The following DEPTOR variants were observed in gnomAD, a reference collection of about 807,000 sequenced individuals.
DEPTOR encodes the protein DEP domain containing MTOR interacting protein, also known as DEP domain-containing mTOR-interacting protein.
Under a neutral mutation model 41.6 loss-of-function variants are expected in DEPTOR, and 41 were observed. That is an observed-to-expected ratio of 0.98 (90% CI 0.77 to 1.28). DEPTOR has a LOEUF of 1.28. Ranked by LOEUF, DEPTOR falls within the 50% of genes most tolerant of loss-of-function variation. DEPTOR has a pLI of 0.00. For missense variants in DEPTOR, 514 were observed against 527.9 expected, an observed-to-expected ratio of 0.97 and a Z score of 0.26; for synonymous variants, 195 against 192.3, an observed-to-expected ratio of 1.01 and a Z score of -0.12.
intron 8 of DEPTOR, among the ~76,000 whole-genome samples, chr8:120,047,159 G>A (rs1187870300): frequency 6.6e-6 from 1 of 152,042 alleles, no homozygotes; most frequent in Non-Finnish European, 1.5e-5. Flanking sequence ...GAGTAGCTGG[G>A]ATTACAGGTG....
At chr8:119,951,386 T>C (rs1425443687) in intron 3 of DEPTOR, among the ~76,000 whole-genome samples, 1 of 152,170 alleles carries the variant, frequency 6.6e-6, no homozygotes, top group Non-Finnish European at 1.5e-5. Context: ...TATAATTTTG[T>C]GGTGATGAAA....
intron 8 of DEPTOR, among the ~76,000 whole-genome samples, chr8:120,034,294 C>CACAT (rs1812940541): frequency 7.1e-6 from 1 of 140,174 alleles, no homozygotes. Context: ...CACACACACA[C>CACAT]ACACATTGTA....
chr8:120,028,806 C>A (rs12386849), intron 8 of DEPTOR, among the ~76,000 whole-genome samples: 1 of 151,320 alleles, frequency 6.6e-6, no homozygotes, highest in South Asian at 2.1e-4. Flanking sequence ...GTATTGCAGC[C>A]GGGCACAGTG....
At chr8:119,940,073 C>G (rs113214097) in intron 3 of DEPTOR, among the ~76,000 whole-genome samples, 1 of 151,836 alleles carries the variant, frequency 6.6e-6, no homozygotes. Context: ...CAAAATTATC[C>G]AAGCTTGGTG....
chr8:119,981,583 G>A (rs10086797), intron 4 of DEPTOR, among the ~76,000 whole-genome samples: 37,292 of 149,020 alleles, frequency 0.25, 4,842 homozygotes, highest in South Asian at 0.36. Context: ...CTTGAGCCTG[G>A]AAAAGTCAAA....
intron 3 of DEPTOR, among the ~76,000 whole-genome samples, chr8:119,930,991 C>T (rs769079969): frequency 6.6e-6 from 1 of 152,048 alleles, no homozygotes; most frequent in African/African-American, 2.4e-5. Context: ...GTGGGTGGAT[C>T]ACTTGAGGTC....
chr8:119,876,573 G>T (rs1208200476), intron 1 of DEPTOR, among the ~76,000 whole-genome samples: 1 of 151,920 alleles, frequency 6.6e-6, no homozygotes, highest in African/African-American at 2.4e-5. Flanking sequence ...GGGAGGCAGA[G>T]GTTGCAGTGA....
intron 4 of DEPTOR, among the ~76,000 whole-genome samples, chr8:119,988,035 C>T (rs1197135707): frequency 6.6e-6 from 1 of 152,114 alleles, no homozygotes; most frequent in African/African-American, 2.4e-5. Context: ...ACAGTTCTGT[C>T]TCGCTGGTGT....
In DEPTOR at chr8:120,027,954, AAC is replaced by A. The variant is rs201994509; in HGVS notation, c.1101+18822_1101+18823del. ...GGCTCAGACATCAGCACGGTTTGGAAACTCCCAGGCAATTTTAAAGTGGAGCT... is the reference window on the plus strand; with the variant it reads ...GGCTCAGACATCAGCACGGTTTGGAATCCCAGGCAATTTTAAAGTGGAGCT... On this transcript the variant is annotated intron_variant, in intron 8 of 8. Transcript: ENST00000286234. Among the ~76,000 whole-genome samples, 901 of 152,196 alleles carry A rather than the reference AAC, an allele frequency of 5.9e-3. 10 individuals carry two copies. The highest frequency in any genetic ancestry group is 0.021 in the African/African-American group (854 of 41,524).
In DEPTOR at chr8:119,916,294, T is replaced by G. The variant is rs961243544; in HGVS notation, c.123-12106T>G. 2.3e-4 allele frequency among the ~76,000 whole-genome samples: 34 copies of G among 150,108 alleles called. 1 individual carries two copies. Among genetic ancestry groups the G allele is most frequent in the African/African-American group, 6.8e-4 (28 of 40,892 alleles). ...TTTTTTTTTTTTTTTTTTTTTTTTT[T>G]TTTTTTTTAGAAATGGGGGTTTCAC... On this transcript the variant is annotated intron_variant, in intron 1 of 8. Coordinates refer to ENST00000286234, the MANE Select transcript of DEPTOR (RefSeq NM_022783.4).
intron 8 of DEPTOR, among the ~76,000 whole-genome samples, chr8:120,022,157 T>TAAAAAAAAAAAAAAAAAAAAAAAAAAA (rs34125548): frequency 1.1e-5 from 1 of 93,724 alleles, no homozygotes; most frequent in African/African-American, 4.0e-5. Flanking sequence ...GACCCCATCT[T>TAAAAAAAAAAAAAAAAAAAAAAAAAAA]AAAAAAAAAA....
intron 1 of DEPTOR, among the ~76,000 whole-genome samples, chr8:119,905,631 GC>G (rs1563962045): frequency 2.5e-5 from 2 of 81,288 alleles, no homozygotes; most frequent in African/African-American, 1.0e-4. Context: ...CTTTATATGG[GC>G]TTTTTTTTTT....
intron 3 of DEPTOR, among the ~76,000 whole-genome samples, chr8:119,957,297 A>T (rs1828429781): frequency 6.6e-6 from 1 of 152,178 alleles, no homozygotes; most frequent in African/African-American, 2.4e-5. Context: ...TGCTAGGAAA[A>T]AACTGTGAAC....
At chr8:119,980,453 TTTTTCTTTTCTTTTCTTTTC>T (rs57896097) in intron 4 of DEPTOR, among the ~76,000 whole-genome samples, 5,910 of 110,902 alleles carry the variant, frequency 0.053, 309 homozygotes, top group Admixed American at 0.13. Flanking sequence ...TCATTTTTCT[TTTTTCTTTTCTTTTCTTTTC>T]TTTTCTTTTC....
chr8:120,044,011 T>TA (rs1318598997), intron 8 of DEPTOR, among the ~76,000 whole-genome samples: 1 of 144,958 alleles, frequency 6.9e-6, no homozygotes, highest in Admixed American at 7.0e-5. Context: ...GACTCTGTCT[T>TA]AAAAAAAGAG....
intron 1 of DEPTOR, among the ~76,000 whole-genome samples, chr8:119,908,752 C>T (rs953045259): frequency 6.6e-6 from 1 of 152,186 alleles, no homozygotes; most frequent in Non-Finnish European, 1.5e-5. Flanking sequence ...AAATTGAGGA[C>T]TTGAGTTGCT....
chr8:120,013,018 A>T (rs1445040864), intron 8 of DEPTOR, among the ~76,000 whole-genome samples: 1 of 151,862 alleles, frequency 6.6e-6, no homozygotes, highest in Non-Finnish European at 1.5e-5. Flanking sequence ...TTAGTCAAGC[A>T]TGCTGGTGGG....
At chr8:119,918,938 A>AGTGTGTGTGTGTGT (rs751715374) in intron 1 of DEPTOR, among the ~76,000 whole-genome samples, 8,208 of 133,354 alleles carry the variant, frequency 0.062, 312 homozygotes, top group South Asian at 0.12. Flanking sequence ...TTGCATAGTG[A>AGTGTGTGTGTGTGT]GTGTGTGTGT....
intron 7 of DEPTOR, among the ~76,000 whole-genome samples, chr8:120,007,673 A>G (rs980794703): frequency 6.6e-6 from 1 of 152,084 alleles, no homozygotes; most frequent in Non-Finnish European, 1.5e-5. Flanking sequence ...GGAGAATTCT[A>G]TCCACACTCA....
Sources: allele counts gnomAD v4.1 joint callset (sites outside exome capture counted in the v4.1 genomes callset), GRCh38; gene constraint gnomAD v4.1.1; transcripts MANE v1.5; gene names NCBI Gene and HGNC (gene_info 2026-07-23, HGNC 2026-07-21).